The following AFG2A variants were observed in gnomAD, a reference collection of about 807,000 sequenced individuals.
AFG2A encodes the protein ATPase family gene 2 protein homolog A.
the AFG2A span, among the ~76,000 whole-genome samples, chr4:123,165,180 G>A: frequency 1.3e-5 from 2 of 151,942 alleles, no homozygotes; most frequent in Admixed American, 1.3e-4. Flanking sequence ...AAATTATAGA[G>A]AAAAAAGGTA....
chr4:123,028,506 C>T, the AFG2A span: 5 of 694,562 alleles, frequency 7.2e-6, no homozygotes, highest in South Asian at 2.2e-5. Context: ...AGCAGTGATT[C>T]TTTTTTTTTT....
At chr4:123,227,954 A>G in the AFG2A span, among the ~76,000 whole-genome samples, 1 of 151,906 alleles carries the variant, frequency 6.6e-6, no homozygotes, top group Non-Finnish European at 1.5e-5. Context: ...TGATCCCTTT[A>G]CCATTATGTA....
the AFG2A span, among the ~76,000 whole-genome samples, chr4:123,149,861 A>C: frequency 7.2e-6 from 1 of 138,698 alleles, no homozygotes; most frequent in Non-Finnish European, 1.5e-5. Context: ...TTTGGAGTGC[A>C]ATGACATGAT....
the AFG2A span, among the ~76,000 whole-genome samples, chr4:123,311,240 G>A: frequency 3.9e-5 from 6 of 152,132 alleles, no homozygotes; most frequent in African/African-American, 7.2e-5. Flanking sequence ...ATTTCAGGTG[G>A]TCACTACTTC....
the AFG2A span, among the ~76,000 whole-genome samples, chr4:123,228,275 G>C: frequency 2.1e-4 from 32 of 152,008 alleles, no homozygotes; most frequent in Non-Finnish European, 3.4e-4. Flanking sequence ...ATGTTAGCTG[G>C]TTATTTTGCT....
At chr4:123,071,964 T>C in the AFG2A span, among the ~76,000 whole-genome samples, 1 of 152,218 alleles carries the variant, frequency 6.6e-6, no homozygotes, top group Non-Finnish European at 1.5e-5. Context: ...CTTTTATTTT[T>C]CTTCTGGAGT....
chr4:123,254,971 AT>A, the AFG2A span, among the ~76,000 whole-genome samples: 395 of 148,264 alleles, frequency 2.7e-3, 3 homozygotes, highest in African/African-American at 8.6e-3. Flanking sequence ...ATGGCTACAG[AT>A]TTTTTTTTTT....
At chr4:123,257,160 T>C in the AFG2A span, among the ~76,000 whole-genome samples, 1 of 152,156 alleles carries the variant, frequency 6.6e-6, no homozygotes, top group African/African-American at 2.4e-5. Context: ...CTGAACTTAG[T>C]GTATCATGCA....
chr4:123,095,042 AAT>A, the AFG2A span, among the ~76,000 whole-genome samples: 49 of 114,098 alleles, frequency 4.3e-4, 1 homozygote, highest in Middle Eastern at 5.7e-3. Flanking sequence ...AAAAAAAAAA[AAT>A]ATATATATAT....
chr4:123,190,515 T>C, the AFG2A span, among the ~76,000 whole-genome samples: 1 of 152,302 alleles, frequency 6.6e-6, no homozygotes, highest in African/African-American at 2.4e-5. Context: ...ATCTTTCCTG[T>C]GCATATTTAA....
At chr4:122,995,256 G>T in the AFG2A span, among the ~76,000 whole-genome samples, 1 of 152,008 alleles carries the variant, frequency 6.6e-6, no homozygotes, top group Admixed American at 6.6e-5. Context: ...AGTATAACCT[G>T]TGGAAATGCT....
chr4:123,010,529 G>A, the AFG2A span, among the ~76,000 whole-genome samples: 2 of 152,128 alleles, frequency 1.3e-5, no homozygotes. Context: ...CTGAATCAAT[G>A]AGTGAATACA....
At chr4:122,953,789 C>T in the AFG2A span, among the ~76,000 whole-genome samples, 15 of 152,356 alleles carry the variant, frequency 9.8e-5, no homozygotes, top group African/African-American at 1.4e-4. Context: ...TTTCCTTTGG[C>T]GCCCTTGTCT....
At chr4:123,160,749 C>T in the AFG2A span, among the ~76,000 whole-genome samples, 1 of 152,086 alleles carries the variant, frequency 6.6e-6, no homozygotes. Context: ...CCCTTATCTG[C>T]AGCGGATACA....
the AFG2A span, among the ~76,000 whole-genome samples, chr4:123,073,225 T>A: frequency 6.6e-6 from 1 of 152,164 alleles, no homozygotes; most frequent in East Asian, 1.9e-4. Context: ...CTATCTCCTT[T>A]TCTTTCTTCT....
chr4:123,064,671 C>A, the AFG2A span, among the ~76,000 whole-genome samples: 1 of 152,156 alleles, frequency 6.6e-6, no homozygotes, highest in African/African-American at 2.4e-5. Flanking sequence ...TACTGACTAA[C>A]CTGTAGATTT....
At chr4:122,923,148 T>G in the AFG2A span, 2 of 1,614,206 alleles carry the variant, frequency 1.2e-6, no homozygotes, top group East Asian at 2.2e-5. Flanking sequence ...TGACCATGTC[T>G]TCCAAGAAGA....
the AFG2A span, among the ~76,000 whole-genome samples, chr4:123,223,310 TA>T: frequency 6.6e-6 from 1 of 152,178 alleles, no homozygotes; most frequent in Admixed American, 6.5e-5. Flanking sequence ...TAATTTTTCA[TA>T]TACCTGTTGC....
the AFG2A span, chr4:122,923,337 G>T: frequency 6.2e-7 from 1 of 1,612,346 alleles, no homozygotes; most frequent in Non-Finnish European, 8.5e-7. Context: ...ACTAGAGGCC[G>T]AGGGGGCGCA....
Sources: gnomAD v4.1 joint callset for allele counts (sites outside exome capture counted in the v4.1 genomes callset) on GRCh38, gnomAD v4.1.1 for gene constraint, MANE v1.5 for transcripts, NCBI Gene and HGNC (gene_info 2026-07-23, HGNC 2026-07-21) for gene names.